CDK19: variants seen among roughly 807,000 people sequenced by gnomAD.
CDK19 encodes cyclin dependent kinase 19.
CDK19 carries 20 observed loss-of-function variants against 68.3 expected under a neutral mutation model. That is an observed-to-expected ratio of 0.29 (90% CI 0.21 to 0.43). The LOEUF is 0.43. Among genes scored for constraint, CDK19 ranks in the 20% least tolerant of loss-of-function variants. The pLI is 1.00. For missense variants in CDK19, 339 were observed against 623.5 expected (o/e 0.54, Z 4.86); for synonymous variants, 221 against 222.8 (o/e 0.99, Z 0.07).
At chr6:110,655,497 A>G (rs1486613128) in intron 4 of CDK19, among the ~76,000 whole-genome samples, 3 of 152,060 alleles carry the variant, frequency 2.0e-5, no homozygotes, top group Admixed American at 6.6e-5. Context: ...GTCACCTCAA[A>G]CTCAACTTGT....
chr6:110,774,292 T>TAGGG (rs1479327889), intron 1 of CDK19, among the ~76,000 whole-genome samples: 1 of 151,926 alleles, frequency 6.6e-6, no homozygotes, highest in Non-Finnish European at 1.5e-5. Flanking sequence ...ACATATGCAG[T>TAGGG]AGTCCCCCCT....
At chr6:110,697,180 A>G (rs1156311605) in intron 2 of CDK19, among the ~76,000 whole-genome samples, 1 of 152,018 alleles carries the variant, frequency 6.6e-6, no homozygotes, top group Non-Finnish European at 1.5e-5. Flanking sequence ...CAGTGAGCTG[A>G]GATTGAGCCA....
chr6:110,706,415 G>C (rs7752999), intron 2 of CDK19: 1 of 87,388 alleles, frequency 1.1e-5, no homozygotes, highest in Non-Finnish European at 2.1e-5. Flanking sequence ...TTTTTTTTTT[G>C]TTTGTTTTTT....
chr6:110,719,710 A>C (rs1036288231), intron 2 of CDK19, among the ~76,000 whole-genome samples: 10 of 152,088 alleles, frequency 6.6e-5, no homozygotes, highest in Admixed American at 4.6e-4. Context: ...AAAGAGTTAG[A>C]ATAGTAAGCA....
intron 1 of CDK19, among the ~76,000 whole-genome samples, chr6:110,796,248 G>A (rs756137302): frequency 6.6e-6 from 1 of 152,208 alleles, no homozygotes; most frequent in Non-Finnish European, 1.5e-5. Flanking sequence ...TGAGGGAGGA[G>A]AATCACTAGA....
intron 2 of CDK19, among the ~76,000 whole-genome samples, chr6:110,719,216 G>A (rs538144855): frequency 2.5e-3 from 378 of 152,322 alleles, no homozygotes; most frequent in African/African-American, 8.2e-3. Flanking sequence ...AGGTGCGGTA[G>A]CCCATGCCTA....
intron 1 of CDK19, among the ~76,000 whole-genome samples, chr6:110,804,813 G>A (rs1375004352): frequency 1.3e-5 from 2 of 151,594 alleles, no homozygotes; most frequent in East Asian, 2.0e-4. Context: ...AAAATTAGCC[G>A]GGCGTGGTGG....
Position 110,683,701 on chromosome 6 carries a change from C to CTT in CDK19, c.205-13162_205-13161dup, listed in dbSNP as rs200335188. Among the ~76,000 whole-genome samples, 527 of 127,356 alleles carry CTT rather than the reference C, an allele frequency of 4.1e-3. 20 individuals are homozygous for CTT. The South Asian group carries it at 0.054, about 13-fold the overall frequency. The allele number at this position is 127,356 out of a possible 152,430, so 83.6% of individuals were successfully genotyped here. Reference sequence around the variant, plus strand: ...TTCTTTTTTAGTATAAGTATTTAATCTTTTTTTTTTTTTTTTTTGGAGACA... The same window carrying CTT: ...TTCTTTTTTAGTATAAGTATTTAATCTTTTTTTTTTTTTTTTTTTTGGAGACA... On this transcript the variant is annotated intron_variant, in intron 2 of 12. Transcript: ENST00000368911.
intron 2 of CDK19, among the ~76,000 whole-genome samples, chr6:110,682,103 C>T (rs1401554545): frequency 6.6e-6 from 1 of 152,094 alleles, no homozygotes; most frequent in Non-Finnish European, 1.5e-5. Flanking sequence ...CTCATGGGTC[C>T]CTGACTCCTT....
At chr6:110,805,988 A>AAAGT (rs1485213673) in intron 1 of CDK19, among the ~76,000 whole-genome samples, 1 of 151,704 alleles carries the variant, frequency 6.6e-6, no homozygotes, top group Non-Finnish European at 1.5e-5. Context: ...AAAAAAAAAA[A>AAAGT]AAGTAAGTAA....
chr6:110,702,394 T>G (rs1026636981), intron 2 of CDK19, among the ~76,000 whole-genome samples: 1 of 151,852 alleles, frequency 6.6e-6, no homozygotes, highest in African/African-American at 2.4e-5. Flanking sequence ...GGCTACAGAG[T>G]TGTGACTGTG....
intron 4 of CDK19, among the ~76,000 whole-genome samples, chr6:110,644,019 C>T (rs181372122): frequency 6.6e-6 from 1 of 151,828 alleles, no homozygotes; most frequent in Non-Finnish European, 1.5e-5. Flanking sequence ...ATTGGCCAGG[C>T]GCAGTGGCTC....
rs77079025 is a variant in CDK19, at chr6:110,666,706, C to T, written c.456+728G>A. 1.5e-3 allele frequency among the ~76,000 whole-genome samples: 226 copies of T among 152,190 alleles called. 1 individual carries two copies. Among genetic ancestry groups the T allele is most frequent in the African/African-American group, 5.3e-3 (219 of 41,546 alleles). On this transcript the variant is annotated intron_variant, in intron 4 of 12. Coordinates refer to ENST00000368911, the MANE Select transcript of CDK19 (RefSeq NM_015076.5). Reference sequence around the variant, plus strand: ...CTCAAAAGCCTAAGAAACAAAAGATCATGAAATCACGTTGTGGGGCCAAAA... The same window carrying T: ...CTCAAAAGCCTAAGAAACAAAAGATTATGAAATCACGTTGTGGGGCCAAAA...
At chr6:110,646,488 T>G in intron 4 of CDK19, 1 of 1,453,922 alleles carries the variant, frequency 6.9e-7, no homozygotes, top group Non-Finnish European at 9.1e-7. Context: ...CCCAGCTCGT[T>G]CTGTGCCAGC....
intron 1 of CDK19, among the ~76,000 whole-genome samples, chr6:110,804,378 T>G (rs1196686981): frequency 6.6e-6 from 1 of 151,996 alleles, no homozygotes; most frequent in Non-Finnish European, 1.5e-5. Flanking sequence ...AGTCTTACTC[T>G]GTGGCCCAGG....
At chr6:110,673,234 A>G (rs1190507649) in intron 2 of CDK19, among the ~76,000 whole-genome samples, 1 of 152,190 alleles carries the variant, frequency 6.6e-6, no homozygotes, top group Non-Finnish European at 1.5e-5. Flanking sequence ...TTCACACAAT[A>G]TAATGTCTTC....
chr6:110,741,184 A>G (rs1448360312), intron 2 of CDK19, among the ~76,000 whole-genome samples: 1 of 152,064 alleles, frequency 6.6e-6, no homozygotes, highest in African/African-American at 2.4e-5. Context: ...GGTGGGGTGC[A>G]GCGGTTCATA....
At chr6:110,672,044 TAG>T (rs1328396744) in intron 2 of CDK19, among the ~76,000 whole-genome samples, 1 of 152,060 alleles carries the variant, frequency 6.6e-6, no homozygotes, top group African/African-American at 2.4e-5. Context: ...TCCCAAAATC[TAG>T]AGAGTTTGCC....
At chr6:110,615,373 T>A (rs1778247701) in intron 12 of CDK19, among the ~76,000 whole-genome samples, 1 of 152,038 alleles carries the variant, frequency 6.6e-6, no homozygotes, top group African/African-American at 2.4e-5. Flanking sequence ...ACAAAAAAAA[T>A]GTGTAAAAGG....
Sources: gnomAD v4.1 joint callset for allele counts (sites outside exome capture counted in the v4.1 genomes callset) on GRCh38, gnomAD v4.1.1 for gene constraint, MANE v1.5 for transcripts, NCBI Gene and HGNC (gene_info 2026-07-23, HGNC 2026-07-21) for gene names.